Variants in TBCD observed in about 807,000 individuals in gnomAD.
TBCD encodes tubulin-specific chaperone D.
Under a neutral mutation model 169.3 loss-of-function variants are expected in TBCD, and 105 were observed. That is an observed-to-expected ratio of 0.62 (90% confidence interval 0.53 to 0.73). The LOEUF (loss-of-function observed/expected upper bound fraction) is 0.73, where lower values mean the gene tolerates loss of function less well. Ranked by LOEUF, TBCD falls within the 30% of genes least tolerant of loss-of-function variation. The pLI, the probability that TBCD is intolerant of heterozygous loss-of-function variation, is 0.00. For missense variants in TBCD, 1,444 were observed against 1,600.1 expected (o/e 0.90, Z 1.66); for synonymous variants, 700 against 643.9 (o/e 1.09, Z -1.32).
At chr17:82,937,741 C>T (rs929701918) in intron 35 of TBCD, 23 of 882,124 alleles carry the variant, frequency 2.6e-5, no homozygotes, top group Middle Eastern at 3.0e-4. Context: ...CGCCAGCCAG[C>T]GATAGGCACC....
rs1567869592 is a variant in TBCD at position 82,840,963 on chromosome 17, T to TG, written c.1318+26029_1318+26030insG. On this transcript the variant is annotated intron_variant, in intron 13 of 38. Coordinates refer to ENST00000355528, the MANE Select transcript of TBCD (RefSeq NM_005993.5). Reference sequence around the variant, plus strand: ...CAGGACAGACAAACTGGTTTTTTTTTTTTTTTTTTTTTTTTTTTTTGAGAC... The same window carrying TG: ...CAGGACAGACAAACTGGTTTTTTTTTGTTTTTTTTTTTTTTTTTTTTGAGAC... Among the ~76,000 whole-genome samples the TG allele has an allele frequency of 5.9e-4, 79 of 133,670 alleles. 1 individual carries two copies. The highest frequency in any genetic ancestry group is 2.0e-3 in the African/African-American group (73 of 35,890). The allele number at this position is 133,670 out of a possible 152,430, so 87.7% of individuals were successfully genotyped here.
At chr17:82,757,196 CG>C (rs1431189633) in intron 2 of TBCD, among the ~76,000 whole-genome samples, 2 of 152,182 alleles carry the variant, frequency 1.3e-5, no homozygotes, top group Admixed American at 6.5e-5. Context: ...TGCTCTTTGC[CG>C]GGGTTTCCTC....
At chr17:82,795,116 T>C (rs2050007001) in intron 7 of TBCD, among the ~76,000 whole-genome samples, 1 of 152,262 alleles carries the variant, frequency 6.6e-6, no homozygotes, top group East Asian at 1.9e-4. Flanking sequence ...TAGAGAATGT[T>C]GTACTACACT....
chr17:82,796,041 C>A (rs2050081648), intron 7 of TBCD: 1 of 152,264 alleles, frequency 6.6e-6, no homozygotes. Context: ...CTGTTCCCCA[C>A]TGAGCTGGCC....
At position 82,754,573 on chromosome 17, in the gene TBCD, A is replaced by G. The variant is rs971700011; in HGVS notation, c.185-1592A>G. On this transcript the variant is annotated intron_variant, in intron 1 of 38. Transcript: ENST00000355528. ...CCTCCTCCTAGCCTGGTGGCCTCTC[A>G]TTAACTTTACAAAGGCAGTTGAGTT... Among the ~76,000 whole-genome samples the G allele has an allele frequency of 2.0e-5, 3 of 152,264 alleles. No individual in the cohort carries two copies. The East Asian group carries it at 5.8e-4, about 29-fold the overall frequency.
chr17:82,797,942 T>C (rs2050218170), intron 8 of TBCD, 140 bp downstream of exon 8: 2 of 494,878 alleles, frequency 4.0e-6, no homozygotes, highest in Non-Finnish European at 6.5e-6. Flanking sequence ...TTTTTTTTGT[T>C]GTGGGTTTTA....
chr17:82,837,750 C>A (rs962294814), intron 13 of TBCD, among the ~76,000 whole-genome samples: 1 of 152,216 alleles, frequency 6.6e-6, no homozygotes, highest in African/African-American at 2.4e-5. Flanking sequence ...GTGGCTGTTG[C>A]TGAAATACTT....
intron 3 of TBCD, among the ~76,000 whole-genome samples, chr17:82,764,345 T>A (rs2047918233): frequency 6.6e-6 from 1 of 152,154 alleles, no homozygotes; most frequent in Admixed American, 6.5e-5. Context: ...CAGAAAAACT[T>A]CTTACAAGGA....
Position 82,889,667 on chromosome 17 carries a change from G to T in TBCD, c.1534-1G>T. ...TGCTGTGTTTGTTCTTTGCTCCGCA[G>T]GCCGCCTTCCAGGAGAATGTGGGGA... is the stretch of plus-strand genomic sequence containing the variant. On this transcript the variant is annotated splice_acceptor_variant, in intron 15 of 38. Transcript: ENST00000355528. LOFTEE classifies it high-confidence loss of function. This position sits in a 1 kb window ranked among gnomAD's most constrained non-coding sequence, Gnocchi z 5.3. 2 of 1,613,906 alleles carry T rather than the reference G, an allele frequency of 1.2e-6. No homozygotes were observed. Among genetic ancestry groups the T allele is most frequent in the Non-Finnish European group, 1.7e-6 (2 of 1,179,862 alleles).
intron 5 of TBCD, 114 bp downstream of exon 5, chr17:82,768,680 T>A: frequency 8.5e-7 from 1 of 1,178,942 alleles, no homozygotes; most frequent in Non-Finnish European, 1.2e-6. Flanking sequence ...CTGCTGTTTT[T>A]TTCAGTGGGG....
chr17:82,943,608 G>C lies in TBCD; in HGVS notation c.*1145G>C, dbSNP rs1253659565. The C allele has an allele frequency of 6.6e-6, 1 of 152,284 alleles. No individual in the cohort carries two copies. The highest frequency in any genetic ancestry group is 2.4e-5 in the African/African-American group (1 of 41,456). The allele number at this position is 152,284 out of a possible 1,614,324, so 9.4% of individuals were successfully genotyped here. A position where few individuals can be genotyped will look rare whatever the true frequency, so the allele number is the denominator to read the frequency against. ...AGGTGCCACCGCATCTGTGAGGCTT[G>C]TGAGGTCACCAGGACCACAAGACCA... On this transcript the variant is annotated 3_prime_UTR_variant, in exon 39 of 39. Transcript: ENST00000355528.
intron 13 of TBCD, chr17:82,865,638 TC>T: frequency 2.9e-6 from 2 of 701,382 alleles, no homozygotes; most frequent in Non-Finnish European, 3.5e-6. Context: ...TCTGCAGAAG[TC>T]CAGCACGATG....
intron 13 of TBCD, chr17:82,858,453 G>T: frequency 2.2e-6 from 1 of 451,348 alleles, no homozygotes; most frequent in Non-Finnish European, 2.9e-6. Flanking sequence ...GGCCTATTCG[G>T]CATTTAAAAT....
chr17:82,824,691 G>A (rs959442110), intron 13 of TBCD, among the ~76,000 whole-genome samples: 24 of 152,172 alleles, frequency 1.6e-4, no homozygotes, highest in African/African-American at 5.1e-4. Flanking sequence ...GTCAGTGGAC[G>A]CTTGGGTTAT....
chr17:82,943,330 G>GGT lies in TBCD; in HGVS notation c.*868_*869dup, dbSNP rs1399443738. The GGT allele has an allele frequency of 6.6e-6, 1 of 152,170 alleles. No individual in the cohort carries two copies. Among genetic ancestry groups the GGT allele is most frequent in the African/African-American group, 2.4e-5 (1 of 41,418 alleles). The allele number at this position is 152,170 out of a possible 1,614,324, so 9.4% of individuals were successfully genotyped here. On this transcript the variant is annotated 3_prime_UTR_variant, in exon 39 of 39. Transcript: ENST00000355528. ...GGAACGTGTATAAAAATTTCACTGT[G>GGT]GTAGCAACCCACACCCATCTCTGGG... is the stretch of plus-strand genomic sequence containing the variant.
At chr17:82,799,066 T>G (rs1196543510) in intron 8 of TBCD, among the ~76,000 whole-genome samples, 1 of 152,182 alleles carries the variant, frequency 6.6e-6, no homozygotes, top group Admixed American at 6.5e-5. Flanking sequence ...GAGCCTCAAT[T>G]TCTGAAAATA....
Position 82,887,131 on chromosome 17 carries a change from C to CTGTGTGTGTGTG in TBCD, c.1534-2510_1534-2499dup, listed in dbSNP as rs771003321. ...CTTCTTCCTTGGTTTTACCTGTACT[C>CTGTGTGTGTGTG]TGTGTGTGTGTGTGTGTGTGTGTGT... On this transcript the variant is annotated intron_variant, in intron 15 of 38. Transcript: ENST00000355528. 9.6e-3 allele frequency among the ~76,000 whole-genome samples: 1,184 copies of CTGTGTGTGTGTG among 123,312 alleles called. 14 individuals carry two copies. The highest frequency in any genetic ancestry group is 0.013 in the East Asian group (54 of 4,268). The allele number at this position is 123,312 out of a possible 152,430, so 80.9% of individuals were successfully genotyped here.
chr17:82,778,424 T>G (rs1044214421), intron 6 of TBCD, among the ~76,000 whole-genome samples: 2 of 152,164 alleles, frequency 1.3e-5, no homozygotes, highest in African/African-American at 4.8e-5. Context: ...TCCGCTAAAG[T>G]TAACTCTCCT....
chr17:82,812,257 G>A (rs143540583), intron 12 of TBCD, among the ~76,000 whole-genome samples: 1,739 of 152,286 alleles, frequency 0.011, 17 homozygotes, highest in Non-Finnish European at 0.017. Context: ...TTGCCCGAGG[G>A]CATCTTCTGA....
Sources: gnomAD v4.1 joint callset for allele counts (sites outside exome capture counted in the v4.1 genomes callset) on GRCh38, gnomAD v4.1.1 for gene constraint, Gnocchi (gnomAD v3.1) non-coding constraint, MANE v1.5 for transcripts, NCBI Gene and HGNC (gene_info 2026-07-23, HGNC 2026-07-21) for gene names.